The following AK5 variants were observed in gnomAD, a reference collection of about 807,000 sequenced individuals.
The protein encoded by AK5 is adenylate kinase 5.
AK5 carries 27 observed loss-of-function variants against 69.5 expected under a neutral mutation model. That is an observed-to-expected ratio of 0.39 (90% CI 0.29 to 0.54). The LOEUF (loss-of-function observed/expected upper bound fraction) is 0.54, where lower values mean the gene tolerates loss of function less well. Ranked by LOEUF, AK5 falls within the 20% of genes least tolerant of loss-of-function variation. The pLI, the probability that AK5 is intolerant of heterozygous loss-of-function variation, is 0.71. For missense variants in AK5, 531 were observed against 700.4 expected, an observed-to-expected ratio of 0.76 and a Z score of 2.73; for synonymous variants, 260 against 244.4, an observed-to-expected ratio of 1.06 and a Z score of -0.60.
intron 10 of AK5, among the ~76,000 whole-genome samples, chr1:77,491,304 ATTTTTTTT>A (rs10700619): frequency 1.1e-5 from 1 of 87,368 alleles, no homozygotes; most frequent in Non-Finnish European, 2.1e-5. Flanking sequence ...CATGAATTGA[ATTTTTTTT>A]TTTTTTTTTT....
intron 3 of AK5, among the ~76,000 whole-genome samples, chr1:77,295,698 G>A (rs192746436): frequency 1.3e-5 from 2 of 152,224 alleles, no homozygotes; most frequent in Admixed American, 6.5e-5. Flanking sequence ...CTTGCTGCTA[G>A]TAATAAAGTA....
At chr1:77,486,622 C>T (rs939738778) in intron 10 of AK5, among the ~76,000 whole-genome samples, 3 of 150,914 alleles carry the variant, frequency 2.0e-5, no homozygotes, top group African/African-American at 7.3e-5. Flanking sequence ...GGTGTGAACC[C>T]GGGAGGCAGA....
intron 8 of AK5, among the ~76,000 whole-genome samples, chr1:77,468,898 G>T (rs1289662202): frequency 6.6e-6 from 1 of 152,196 alleles, no homozygotes; most frequent in Non-Finnish European, 1.5e-5. Context: ...TTTCCAGGAG[G>T]CACAGAGCTA....
At chr1:77,549,500 T>C (rs1659712038) in intron 13 of AK5, among the ~76,000 whole-genome samples, 1 of 152,144 alleles carries the variant, frequency 6.6e-6, no homozygotes, top group African/African-American at 2.4e-5. Context: ...CAATAAGTTA[T>C]TGTTGACTAG....
At chr1:77,296,585 G>A (rs1659020307) in intron 3 of AK5, among the ~76,000 whole-genome samples, 1 of 151,996 alleles carries the variant, frequency 6.6e-6, no homozygotes, top group South Asian at 2.1e-4. Context: ...TTAGTTTGGT[G>A]GTTGTGATTA....
intron 12 of AK5, among the ~76,000 whole-genome samples, chr1:77,529,564 C>T (rs1557656459): frequency 6.6e-6 from 1 of 152,168 alleles, no homozygotes; most frequent in Non-Finnish European, 1.5e-5. Flanking sequence ...ACCTCGTGAT[C>T]TGCCCACCTC....
rs115686023 is a variant in AK5, at chr1:77,360,933, A to G, written c.891+20365A>G. 4.1e-3 allele frequency among the ~76,000 whole-genome samples: 621 copies of G among 152,308 alleles called. 1 individual carries two copies. Among genetic ancestry groups the G allele is most frequent in the African/African-American group, 0.014 (593 of 41,564 alleles). ...TTGCTCATAGGAAGGATATTCAGGC[A>G]ACGGGCAGGAGGCCACATAATGAAA... On this transcript the variant is annotated intron_variant, in intron 6 of 13. Transcript: ENST00000354567.
chr1:77,343,292 G>T (rs1424954900), intron 6 of AK5, among the ~76,000 whole-genome samples: 5 of 152,130 alleles, frequency 3.3e-5, no homozygotes, highest in Non-Finnish European at 7.4e-5. Context: ...CCATGTCCCT[G>T]TTTAGTCCAG....
In AK5 at chr1:77,443,677, C is replaced by CTGTGTGTGTGTGTG. The variant is rs71244408; in HGVS notation, c.1059+25996_1059+26009dup. ...CAGAACAGAGTTTACTGTGGGGAGTCTGTGTGTGTGTGTGTGTGTGTGTGT... is the reference window on the plus strand; with the variant it reads ...CAGAACAGAGTTTACTGTGGGGAGTCTGTGTGTGTGTGTGTGTGTGTGTGTGTGTGTGTGTGTGT... On this transcript the variant is annotated intron_variant, in intron 8 of 13. Coordinates refer to ENST00000354567, the MANE Select transcript of AK5 (RefSeq NM_174858.3). 5.2e-5 allele frequency among the ~76,000 whole-genome samples: 7 copies of CTGTGTGTGTGTGTG among 134,118 alleles called. No homozygotes were observed. In the East Asian group the frequency reaches 1.4e-3, roughly 27 times the overall value. 88.0% of individuals were successfully genotyped at this position (134,118 alleles called of 152,430 possible).
chr1:77,361,711 T>C (rs1646868344), intron 6 of AK5, among the ~76,000 whole-genome samples: 1 of 152,182 alleles, frequency 6.6e-6, no homozygotes, highest in Non-Finnish European at 1.5e-5. Flanking sequence ...GAGGAGCAAG[T>C]CACATCTTAT....
chr1:77,486,420 G>C, intron 10 of AK5, 68 bp downstream of exon 10: 1 of 1,241,496 alleles, frequency 8.1e-7, no homozygotes, highest in Non-Finnish European at 1.2e-6. Flanking sequence ...AGTGGGCCAG[G>C]TGCGGTGGCT....
At chr1:77,479,923 C>T (rs867856821) in intron 8 of AK5, among the ~76,000 whole-genome samples, 2 of 152,300 alleles carry the variant, frequency 1.3e-5, no homozygotes, top group Non-Finnish European at 2.9e-5. Flanking sequence ...AGCTCCAAGG[C>T]GACTGAGCAT....
At chr1:77,431,200 CAGGCAATGTGCTAAG>C (rs1357470725) in intron 8 of AK5, among the ~76,000 whole-genome samples, 1 of 152,178 alleles carries the variant, frequency 6.6e-6, no homozygotes, top group Non-Finnish European at 1.5e-5. Flanking sequence ...TGAAATCTAG[CAGGCAATGTGCTAAG>C]GAAACACAAC....
intron 5 of AK5, among the ~76,000 whole-genome samples, chr1:77,310,880 T>C (rs915562033): frequency 1.3e-5 from 2 of 152,176 alleles, no homozygotes; most frequent in Non-Finnish European, 1.5e-5. Context: ...TCTAGCTTTA[T>C]GTTCTTCATT....
intron 13 of AK5, among the ~76,000 whole-genome samples, chr1:77,541,972 G>A (rs1162294150): frequency 6.6e-6 from 1 of 152,106 alleles, no homozygotes; most frequent in Non-Finnish European, 1.5e-5. Context: ...CATATGGTAT[G>A]TGTGGGACAC....
chr1:77,508,320 G>A (rs1657136214), intron 10 of AK5, among the ~76,000 whole-genome samples: 2 of 152,046 alleles, frequency 1.3e-5, no homozygotes, highest in Admixed American at 1.3e-4. Flanking sequence ...AAAACTATAA[G>A]TTCCCAAGCC....
chr1:77,531,971 C>G (rs1658636334), intron 12 of AK5: 1 of 141,172 alleles, frequency 7.1e-6, no homozygotes, highest in Admixed American at 7.5e-5. Flanking sequence ...GTGCTAAGCC[C>G]CTCACTGCCT....
At chr1:77,372,521 C>T (rs1397955856) in intron 6 of AK5, among the ~76,000 whole-genome samples, 2 of 152,188 alleles carry the variant, frequency 1.3e-5, no homozygotes, top group Admixed American at 6.5e-5. Flanking sequence ...AGAAGTATGA[C>T]TCTTAGTCAT....
intron 6 of AK5, among the ~76,000 whole-genome samples, chr1:77,376,433 C>CAAAAAAAAAAAAAAAAAA (rs757594684): frequency 7.4e-5 from 1 of 13,434 alleles, no homozygotes; most frequent in African/African-American, 2.5e-4. Context: ...CACTCAATGC[C>CAAAAAAAAAAAAAAAAAA]AAAAAAAAAA....
Sources: allele counts gnomAD v4.1 joint callset (sites outside exome capture counted in the v4.1 genomes callset), GRCh38; gene constraint gnomAD v4.1.1; transcripts MANE v1.5; gene names NCBI Gene and HGNC (gene_info 2026-07-23, HGNC 2026-07-21).